The following IL7R variants were observed in gnomAD, a reference collection of about 807,000 sequenced individuals.
The protein encoded by IL7R is interleukin-7 receptor subunit alpha.
A neutral mutation model predicts 47.0 loss-of-function variants in IL7R; 38 were observed. The ratio of observed to expected loss-of-function variants is 0.81; its 90% CI spans 0.62 to 1.06. The LOEUF (loss-of-function observed/expected upper bound fraction) is 1.06. IL7R is among the 50% of genes least tolerant of loss of function. The pLI, the probability that IL7R is intolerant of heterozygous loss-of-function variation, is 0.00. For missense variants in IL7R, 633 were observed against 534.8 expected (o/e 1.18, Z -1.81); for synonymous variants, 221 against 199.8 (o/e 1.11, Z -0.89).
At chr5:35,857,136 A>T in intron 1 of IL7R, 77 bp downstream of exon 1, 8 of 876,158 alleles carry the variant, frequency 9.1e-6, no homozygotes, top group Non-Finnish European at 1.6e-5. Context: ...TCCCTAACAG[A>T]CCTGAGTCAG....
rs752829026 is a variant in IL7R at position 35,879,096 on chromosome 5, CT to C, written c.*2611del. On this transcript the variant is annotated 3_prime_UTR_variant, in exon 8 of 8. Transcript: ENST00000303115. ...ATTTTATTAGGAAAAAAAAATAAACCTCCTGATCGGAGACAATGTATTAATC... is the reference window on the plus strand; with the variant it reads ...ATTTTATTAGGAAAAAAAAATAAACCCCTGATCGGAGACAATGTATTAATC... The C allele has an allele frequency of 8.6e-6, 2 of 232,722 alleles. No individual in the cohort carries two copies. Among genetic ancestry groups the C allele is most frequent in the Admixed American group, 5.6e-5 (1 of 17,760 alleles). 14.4% of individuals were successfully genotyped at this position (232,722 alleles called of 1,614,324 possible).
intron 2 of IL7R, among the ~76,000 whole-genome samples, chr5:35,861,860 A>G (rs1759829011): frequency 6.6e-6 from 1 of 152,116 alleles, no homozygotes; most frequent in Non-Finnish European, 1.5e-5. Context: ...CTATCTCCAA[A>G]TTCATATCCG....
chr5:35,866,874 T>C (rs994939432), intron 2 of IL7R, among the ~76,000 whole-genome samples: 4 of 152,174 alleles, frequency 2.6e-5, no homozygotes, highest in Non-Finnish European at 4.4e-5. Flanking sequence ...ATTATGTATA[T>C]AACCCTTTAT....
rs928255596 is a variant in IL7R, at chr5:35,876,315, C to A, written c.1209C>A (p.Asp403Glu). Residue 403 changes from aspartate to glutamate, a missense_variant, in exon 8 of 8, where the codon GAC (aspartate) becomes GAA (glutamate). By Grantham distance (45) the Asp-to-Glu change is conservative. Coordinates refer to ENST00000303115, the MANE Select transcript of IL7R (RefSeq NM_002185.5). ...AGAATGGGCCTCATGTGTACCAGGA[C>A]CTCCTGCTTAGCCTTGGGACTACAA... ...SGKNGPHVYQ[D>E]LLLSLGTTNS... is the part of the protein sequence containing the mutation. 1 of 1,613,490 alleles carries A rather than the reference C, an allele frequency of 6.2e-7. No homozygotes were observed. Among genetic ancestry groups the A allele is most frequent in the Non-Finnish European group, 8.5e-7 (1 of 1,179,506 alleles).
chr5:35,860,601 A>G (rs1759776153), intron 1 of IL7R, among the ~76,000 whole-genome samples: 1 of 152,126 alleles, frequency 6.6e-6, no homozygotes, highest in African/African-American at 2.4e-5. Flanking sequence ...CTTACTCATT[A>G]TGATGGATTT....
chr5:35,866,473 A>G (rs1759942224), intron 2 of IL7R, among the ~76,000 whole-genome samples: 1 of 152,108 alleles, frequency 6.6e-6, no homozygotes, highest in South Asian at 2.1e-4. Context: ...TGTCAGATTG[A>G]CACTATTTCT....
At chr5:35,862,069 TTAGA>T (rs1759834092) in intron 2 of IL7R, among the ~76,000 whole-genome samples, 1 of 152,184 alleles carries the variant, frequency 6.6e-6, no homozygotes, top group South Asian at 2.1e-4. Context: ...GCTGCAGTCC[TTAGA>T]TAAACATGCT....
chr5:35,876,508 A>G lies in IL7R; in HGVS notation c.*22A>G. ...GTGAAGTGTAAGAAACCCAGACTGA[A>G]CTTACCGTGAGCGACAAAGATGATT... On this transcript the variant is annotated 3_prime_UTR_variant, in exon 8 of 8. Transcript: ENST00000303115. 2 of 1,599,852 alleles carry G rather than the reference A, an allele frequency of 1.3e-6. No individual in the cohort carries two copies. The highest frequency in any genetic ancestry group is 1.7e-6 in the Non-Finnish European group (2 of 1,179,606).
intron 5 of IL7R, among the ~76,000 whole-genome samples, chr5:35,874,226 G>A (rs1025226637): frequency 2.0e-5 from 3 of 152,172 alleles, no homozygotes; most frequent in African/African-American, 4.8e-5. Context: ...GCTAGATCAC[G>A]TTTACATTTC....
chr5:35,857,518 A>G (rs1433264934), intron 1 of IL7R, among the ~76,000 whole-genome samples: 2 of 152,214 alleles, frequency 1.3e-5, no homozygotes, highest in Non-Finnish European at 2.9e-5. Context: ...CCAGTGCTAT[A>G]TCCTCAGCAC....
intron 6 of IL7R, 200 bp from the exon 7 acceptor site, chr5:35,875,312 C>G: frequency 1.6e-6 from 1 of 638,024 alleles, no homozygotes; most frequent in Non-Finnish European, 2.8e-6. Flanking sequence ...TCTGTGGTCT[C>G]TGGTCCAACC....
rs886060541 is a variant in IL7R, at chr5:35,878,761, C to A, written c.*2275C>A. ...CAGGAAGACAGGTAAATTACCCAAC[C>A]TCACACGTTAAGTCAGAACTGGGAG... On this transcript the variant is annotated 3_prime_UTR_variant, in exon 8 of 8. Transcript: ENST00000303115. 4.3e-6 allele frequency: 1 copy of A among 232,844 alleles called. No individual in the cohort carries two copies. Among genetic ancestry groups the A allele is most frequent in the African/African-American group, 2.2e-5 (1 of 45,300 alleles). 14.4% of individuals were successfully genotyped at this position (232,844 alleles called of 1,614,324 possible). A position where few individuals can be genotyped will look rare whatever the true frequency, so the allele number is the denominator to read the frequency against.
Position 35,878,989 on chromosome 5 carries a change from A to G in IL7R, c.*2503A>G, listed in dbSNP as rs1760286162. 4.3e-6 allele frequency: 1 copy of G among 232,958 alleles called. No homozygotes were observed. The highest frequency in any genetic ancestry group is 8.5e-6 in the Non-Finnish European group (1 of 117,886). The allele number at this position is 232,958 out of a possible 1,614,324, so 14.4% of individuals were successfully genotyped here. On this transcript the variant is annotated 3_prime_UTR_variant, in exon 8 of 8. Coordinates refer to ENST00000303115, the MANE Select transcript of IL7R (RefSeq NM_002185.5). ...CATGTATTATAATCATATAATCATA[A>G]CTGCTGTTAATTCTTGATTATATAC... is the stretch of plus-strand genomic sequence containing the variant.
Position 35,875,665 on chromosome 5 carries a change from C to G in IL7R, c.876+78C>G, listed in dbSNP as rs547428930. ...AAGAATGATATTCCAGGACAAGGAA[C>G]AGTTGAACCTCACCTTTTGGTATTT... On this transcript the variant is annotated intron_variant, in intron 7 of 7. Transcript: ENST00000303115. The G allele has an allele frequency of 1.6e-5, 18 of 1,100,708 alleles. No homozygotes were observed. The African/African-American group carries it at 2.8e-4, about 17-fold the overall frequency. The allele number at this position is 1,100,708 out of a possible 1,614,324, so 68.2% of individuals were successfully genotyped here. A position where few individuals can be genotyped will look rare whatever the true frequency, so the allele number is the denominator to read the frequency against.
Position 35,877,326 on chromosome 5 carries a change from T to G in IL7R, c.*840T>G, listed in dbSNP as rs1013889945. ...GAAAGAAAGAGGGGGAGAAACAGTC[T>G]TGCGGGTGTGAAGTCCCATGACCAG... On this transcript the variant is annotated 3_prime_UTR_variant, in exon 8 of 8. Transcript: ENST00000303115. 6.0e-5 allele frequency: 14 copies of G among 233,214 alleles called. No individual in the cohort carries two copies. The highest frequency in any genetic ancestry group is 3.1e-4 in the African/African-American group (14 of 45,466). The allele number at this position is 233,214 out of a possible 1,614,324, so 14.4% of individuals were successfully genotyped here.
intron 3 of IL7R, among the ~76,000 whole-genome samples, chr5:35,867,913 CA>C (rs10586617): frequency 0.028 from 4,213 of 150,708 alleles, 146 homozygotes; most frequent in African/African-American, 0.074. Flanking sequence ...GAGTTTTCTA[CA>C]AAAAAAAAAG....
rs1175221163 is a variant in IL7R, at chr5:35,867,435, C to A, written c.351C>A (p.Thr117=). The change falls in exon 3 of 8, where the codon ACC becomes ACA. Residue 117 remains threonine, a synonymous_variant. Transcript: ENST00000303115. The part of the protein sequence containing the change: ...ICVKVGEKSL[T]CKKIDLTTIV... The stretch of plus-strand genomic sequence containing the variant: ...TGAAGGTTGGAGAAAAGAGTCTAAC[C>A]TGCAAAAAAATAGACCTAACCACTA... 2 of 1,613,096 alleles carry A rather than the reference C, an allele frequency of 1.2e-6. No individual in the cohort carries two copies. The highest frequency in any genetic ancestry group is 1.7e-6 in the Non-Finnish European group (2 of 1,179,600).
chr5:35,870,860 G>A (rs970701567), intron 3 of IL7R, among the ~76,000 whole-genome samples, 196 bp from the exon 4 acceptor site: 2 of 152,144 alleles, frequency 1.3e-5, no homozygotes, highest in African/African-American at 2.4e-5. Flanking sequence ...CACTCACAAG[G>A]CCACACCCCA....
At chr5:35,859,013 A>G (rs1389628137) in intron 1 of IL7R, among the ~76,000 whole-genome samples, 1 of 152,196 alleles carries the variant, frequency 6.6e-6, no homozygotes, top group Non-Finnish European at 1.5e-5. Flanking sequence ...TTTTTGTAAA[A>G]TGCCATCACA....
Sources: allele counts gnomAD v4.1 joint callset (sites outside exome capture counted in the v4.1 genomes callset), GRCh38; gene constraint gnomAD v4.1.1; transcripts MANE v1.5; gene names NCBI Gene and HGNC (gene_info 2026-07-23, HGNC 2026-07-21).